Variants in ZSCAN5A observed in about 807,000 individuals in gnomAD.
ZSCAN5A encodes the protein zinc finger and SCAN domain containing 5A, also known as zinc finger and SCAN domain-containing protein 5A.
ZSCAN5A carries 12 observed loss-of-function variants against 23.7 expected under a neutral mutation model. That is an observed-to-expected ratio of 0.51 (90% CI 0.32 to 0.82). The LOEUF (loss-of-function observed/expected upper bound fraction) is 0.82, where lower values mean the gene tolerates loss of function less well. Ranked by LOEUF, ZSCAN5A falls within the 40% of genes least tolerant of loss-of-function variation. The pLI is 0.03. For synonymous variants in ZSCAN5A, 257 were observed against 239.9 expected, an observed-to-expected ratio of 1.07 and a Z score of -0.66; for missense variants, 597 against 617.9, an observed-to-expected ratio of 0.97 and a Z score of 0.36.
intron 1 of ZSCAN5A, among the ~76,000 whole-genome samples, chr19:56,366,476 T>A (rs956086853): frequency 8.6e-5 from 13 of 150,676 alleles, no homozygotes; most frequent in African/African-American, 3.2e-4. Context: ...TTGAAACCAT[T>A]AATTGGGAGG....
intron 2 of ZSCAN5A, among the ~76,000 whole-genome samples, chr19:56,291,138 G>A (rs757471912): frequency 3.3e-5 from 5 of 152,142 alleles, no homozygotes; most frequent in Admixed American, 6.5e-5. Flanking sequence ...TCACAGGACC[G>A]TTGCCCCAGA....
Position 56,222,722 on chromosome 19 carries a change from T to G in ZSCAN5A, c.608A>C (p.His203Pro), listed in dbSNP as rs138391803. The change falls in exon 5 of 6, where the codon CAC (histidine) becomes CCC (proline). Residue 203 changes from histidine (H) to proline (P), a missense_variant. By Grantham distance (77) the His-to-Pro change is moderately conservative. Around this residue, in one of 5 missense-constraint regions of ZSCAN5A, gnomAD observed 406 missense variants for 353.2 expected, o/e 1.15. Coordinates refer to ENST00000683990, the MANE Select transcript of ZSCAN5A (RefSeq NM_001322064.3). ...SRRQGEDFLL[H>P]KSIDVTGDPK... ...GTCACCTGTTACGTCAATACTCTTGTGTAGCAGAAAGTCCTCTCCCTGAAG... is the reference window on the plus strand; with the variant it reads ...GTCACCTGTTACGTCAATACTCTTGGGTAGCAGAAAGTCCTCTCCCTGAAG... The G allele has an allele frequency of 6.2e-7, 1 of 1,614,148 alleles. No homozygotes were observed. Among genetic ancestry groups the G allele is most frequent in the South Asian group, 1.1e-5 (1 of 91,080 alleles).
chr19:56,318,268 C>G (rs1306932947), upstream of ZSCAN5A, among the ~76,000 whole-genome samples: 1 of 151,970 alleles, frequency 6.6e-6, no homozygotes, highest in African/African-American at 2.4e-5. Context: ...TTTATTGATT[C>G]ATGCTTCCGG....
intron 1 of ZSCAN5A, among the ~76,000 whole-genome samples, chr19:56,367,697 C>A (rs188133123): frequency 6.6e-6 from 1 of 152,282 alleles, no homozygotes; most frequent in East Asian, 1.9e-4. Flanking sequence ...AATATTGTTC[C>A]GTGCACACAT....
chr19:56,350,871 C>T (rs989081895), intron 2 of ZSCAN5A, among the ~76,000 whole-genome samples: 3 of 151,530 alleles, frequency 2.0e-5, no homozygotes, highest in Admixed American at 2.0e-4. Flanking sequence ...TTTAATAAAA[C>T]ATTAAATAAA....
intron 2 of ZSCAN5A, chr19:56,304,870 G>C: frequency 3.3e-6 from 3 of 896,250 alleles, no homozygotes; most frequent in Non-Finnish European, 4.0e-6. Context: ...CCACCGCTGG[G>C]GTGGGGTTAG....
intron 2 of ZSCAN5A, among the ~76,000 whole-genome samples, chr19:56,329,857 G>T (rs892876107): frequency 8.5e-5 from 13 of 152,164 alleles, no homozygotes; most frequent in African/African-American, 3.1e-4. Context: ...TTCCACTTTA[G>T]GTTCATGGAA....
chr19:56,260,414 A>G (rs2037043589), intron 2 of ZSCAN5A, among the ~76,000 whole-genome samples: 1 of 151,816 alleles, frequency 6.6e-6, no homozygotes, highest in African/African-American at 2.4e-5. Context: ...GGGTTTCTCC[A>G]TGTTGGTCAG....
chr19:56,225,177 G>T lies in ZSCAN5A; in HGVS notation c.-127-4C>A, dbSNP rs1451490296. 2.2e-6 allele frequency: 3 copies of T among 1,375,760 alleles called. No individual in the cohort carries two copies. Among genetic ancestry groups the T allele is most frequent in the African/African-American group, 1.9e-5 (1 of 51,916 alleles). 85.2% of individuals were successfully genotyped at this position (1,375,760 alleles called of 1,614,324 possible). The stretch of plus-strand genomic sequence containing the variant: ...GATTCACTGTTCATTCAGAAGTCTG[G>T]GGGGGAAAAGTATGAGCCTCATTAG... On this transcript the variant is annotated splice_region_variant and splice_polypyrimidine_tract_variant and intron_variant, in intron 2 of 5. Transcript: ENST00000683990.
At chr19:56,304,860 C>T in intron 2 of ZSCAN5A, 2 of 944,968 alleles carry the variant, frequency 2.1e-6, no homozygotes, top group Non-Finnish European at 2.5e-6. Context: ...TGGGCTTTTC[C>T]CACCGCTGGG....
intron 2 of ZSCAN5A, among the ~76,000 whole-genome samples, chr19:56,327,186 G>A (rs2041442475): frequency 6.6e-6 from 1 of 151,888 alleles, no homozygotes; most frequent in Non-Finnish European, 1.5e-5. Flanking sequence ...ACACGATCAT[G>A]GCTCACTCCA....
At chr19:56,347,203 G>A (rs1600297531) in intron 2 of ZSCAN5A, 1 of 152,232 alleles carries the variant, frequency 6.6e-6, no homozygotes, top group Admixed American at 6.5e-5. Flanking sequence ...AGTGGGGGGA[G>A]TCTAGTTAAA....
intron 2 of ZSCAN5A, among the ~76,000 whole-genome samples, chr19:56,251,148 T>TTA (rs1555797367): frequency 1.4e-3 from 183 of 131,056 alleles, no homozygotes; most frequent in Middle Eastern, 3.8e-3. Flanking sequence ...AGACTCCGTG[T>TTA]AAAAAAAAAA....
At chr19:56,239,168 T>C (rs1486799304) in intron 2 of ZSCAN5A, among the ~76,000 whole-genome samples, 1 of 152,204 alleles carries the variant, frequency 6.6e-6, no homozygotes, top group African/African-American at 2.4e-5. Context: ...TTCACAAAAT[T>C]CAGTGGCTTA....
In ZSCAN5A at chr19:56,222,001, G is replaced by A; in HGVS notation, c.1065C>T (p.Pro355=). 3 of 1,614,224 alleles carry A rather than the reference G, an allele frequency of 1.9e-6. No individual in the cohort carries two copies. Among genetic ancestry groups the A allele is most frequent in the Non-Finnish European group, 2.5e-6 (3 of 1,180,044 alleles). The change falls in exon 6 of 6, where the codon CCC becomes CCT. Residue 355 remains proline (P), a synonymous_variant. Transcript: ENST00000683990. ...PDGQEAKALP[P]FACDVCEKRF... ...TCTTCTCGCACACGTCACATGCAAAGGGCGGCAGTGCCTTGGCTTCTTGGC... is the reference window on the plus strand; with the variant it reads ...TCTTCTCGCACACGTCACATGCAAAAGGCGGCAGTGCCTTGGCTTCTTGGC...
intron 2 of ZSCAN5A, among the ~76,000 whole-genome samples, chr19:56,243,711 C>T (rs1379407898): frequency 2.6e-5 from 4 of 152,230 alleles, no homozygotes; most frequent in Admixed American, 2.0e-4. Context: ...CAATGATTTC[C>T]TGGAGATCAG....
chr19:56,302,484 C>T (rs7255474), intron 2 of ZSCAN5A, among the ~76,000 whole-genome samples: 53,609 of 126,688 alleles, frequency 0.42, 13,001 homozygotes, highest in East Asian at 0.64. Flanking sequence ...TTCTTCCTTC[C>T]CATCCTTCTT....
intron 2 of ZSCAN5A, among the ~76,000 whole-genome samples, chr19:56,258,786 T>C (rs1355689628): frequency 2.0e-5 from 3 of 152,122 alleles, no homozygotes; most frequent in East Asian, 1.9e-4. Context: ...GACTTGCTTG[T>C]CTCCAACAGA....
At position 56,222,214 on chromosome 19, in the gene ZSCAN5A, G is replaced by A. The variant is rs1212496803; in HGVS notation, c.852C>T (p.His284=). 6.2e-7 allele frequency: 1 copy of A among 1,613,964 alleles called. No homozygotes were observed. The change falls in exon 6 of 6, where the codon CAC becomes CAT. Residue 284 remains histidine, a synonymous_variant. Coordinates refer to ENST00000683990, the MANE Select transcript of ZSCAN5A (RefSeq NM_001322064.3). The stretch of plus-strand genomic sequence containing the variant: ...TCAGAGCGTCTCCTCTGTTCCCGCT[G>A]TGAGTCGAAGCTTCTCTCTCCACAA... ...ACVVEREAST[H]SGNRGDALNL... is the part of the protein sequence containing the mutation.
Sources: allele counts gnomAD v4.1 joint callset (sites outside exome capture counted in the v4.1 genomes callset), GRCh38; gene constraint gnomAD v4.1.1; regional missense constraint gnomAD v4.1.1; transcripts MANE v1.5; gene names NCBI Gene and HGNC (gene_info 2026-07-23, HGNC 2026-07-21).